The following CNTNAP2 variants were observed in gnomAD, a reference collection of about 807,000 sequenced individuals.
CNTNAP2 encodes contactin-associated protein-like 2.
In CNTNAP2, 98 loss-of-function variants were observed where a neutral mutation model predicts 155.2. The ratio of observed to expected loss-of-function variants is 0.63; its 90% CI spans 0.54 to 0.75. The LOEUF (loss-of-function observed/expected upper bound fraction) is 0.75, where lower values mean the gene tolerates loss of function less well. Among genes scored for constraint, CNTNAP2 ranks in the 30% least tolerant of loss-of-function variants. CNTNAP2 has a pLI of 0.00. For synonymous variants in CNTNAP2, 651 were observed against 631.2 expected (o/e 1.03, Z -0.47); for missense variants, 1,727 against 1,688.1 (o/e 1.02, Z -0.40).
At chr7:147,897,817 T>G (rs926740886) in intron 13 of CNTNAP2, among the ~76,000 whole-genome samples, 3 of 152,114 alleles carry the variant, frequency 2.0e-5, no homozygotes, top group Admixed American at 6.5e-5. Flanking sequence ...GGAGAAAAAT[T>G]TATTATTGGC....
chr7:146,502,597 A>G (rs1797321602), intron 1 of CNTNAP2, among the ~76,000 whole-genome samples: 2 of 151,836 alleles, frequency 1.3e-5, no homozygotes, highest in African/African-American at 4.8e-5. Context: ...GAGTGAGATG[A>G]TATTTCATTG....
chr7:147,563,339 G>T (rs1289912862), intron 12 of CNTNAP2, among the ~76,000 whole-genome samples: 1 of 152,042 alleles, frequency 6.6e-6, no homozygotes, highest in Non-Finnish European at 1.5e-5. Flanking sequence ...TAAATAACTT[G>T]CCCATATTAG....
intron 13 of CNTNAP2, among the ~76,000 whole-genome samples, chr7:147,821,118 A>G (rs192808417): frequency 4.6e-5 from 7 of 152,330 alleles, no homozygotes; most frequent in Non-Finnish European, 7.4e-5. Context: ...GTAGCAGTAT[A>G]TAGTTACTAG....
At chr7:146,514,454 G>A (rs187992616) in intron 1 of CNTNAP2, among the ~76,000 whole-genome samples, 76 of 151,996 alleles carry the variant, frequency 5.0e-4, no homozygotes, top group Non-Finnish European at 7.9e-4. Flanking sequence ...TTTTCAAGTA[G>A]CTTGTCTTTT....
chr7:148,053,716 CATTATGCTG>C (rs1802936110), intron 15 of CNTNAP2, among the ~76,000 whole-genome samples: 1 of 152,000 alleles, frequency 6.6e-6, no homozygotes, highest in African/African-American at 2.4e-5. Context: ...CTTTTTATAC[CATTATGCTG>C]GTAAATTATT....
rs576096972 is a variant in CNTNAP2 at position 147,349,343 on chromosome 7, C to A, written c.1499-46266C>A. On this transcript the variant is annotated intron_variant, in intron 9 of 23. Transcript: ENST00000361727. Reference sequence around the variant, plus strand: ...TATTAGCAGCTTAAATATGAAGGGACCTGAATTCTCAAAAAGCAAAAGTAG... The same window carrying A: ...TATTAGCAGCTTAAATATGAAGGGAACTGAATTCTCAAAAAGCAAAAGTAG... 5.9e-5 allele frequency among the ~76,000 whole-genome samples: 9 copies of A among 151,756 alleles called. No individual in the cohort carries two copies. In the South Asian group the frequency reaches 1.3e-3, roughly 21 times the overall value.
In CNTNAP2 at chr7:147,246,025, C is replaced by A. The variant is rs546360468; in HGVS notation, c.1349-54116C>A. Among the ~76,000 whole-genome samples, 5 of 117,616 alleles carry A rather than the reference C, an allele frequency of 4.3e-5. No homozygotes were observed. The East Asian group carries it at 2.7e-3, about 63-fold the overall frequency. The allele number at this position is 117,616 out of a possible 152,430, so 77.2% of individuals were successfully genotyped here. ...AAATCTTATATATAAATAAGACTCA[C>A]ACATACACATATAACGTGCATATAT... On this transcript the variant is annotated intron_variant, in intron 8 of 23. Transcript: ENST00000361727.
At chr7:147,147,069 T>G (rs1487984165) in intron 8 of CNTNAP2, among the ~76,000 whole-genome samples, 1 of 152,148 alleles carries the variant, frequency 6.6e-6, no homozygotes, top group African/African-American at 2.4e-5. Flanking sequence ...TCTACATGAC[T>G]GGGGAGGCCT....
intron 14 of CNTNAP2, among the ~76,000 whole-genome samples, chr7:147,966,554 T>G (rs1801213795): frequency 2.6e-5 from 4 of 152,258 alleles, no homozygotes; most frequent in Middle Eastern, 3.4e-3. Context: ...TAAGGTGGCA[T>G]GTACCCTCAC....
chr7:148,277,566 C>A (rs1796890953), intron 21 of CNTNAP2, among the ~76,000 whole-genome samples: 1 of 151,064 alleles, frequency 6.6e-6, no homozygotes, highest in Non-Finnish European at 1.5e-5. Flanking sequence ...TGAGGCTTGG[C>A]TGCCCCATGT....
intron 17 of CNTNAP2, among the ~76,000 whole-genome samples, chr7:148,147,999 T>C (rs747647566): frequency 6.6e-6 from 1 of 151,836 alleles, no homozygotes; most frequent in Non-Finnish European, 1.5e-5. Flanking sequence ...CAATTTTAGG[T>C]TTATGGTTTT....
chr7:146,516,029 C>G, intron 1 of CNTNAP2, among the ~76,000 whole-genome samples: 1 of 152,010 alleles, frequency 6.6e-6, no homozygotes, highest in Admixed American at 6.6e-5. Flanking sequence ...AGTAGATCAT[C>G]ATAATCTTAA....
intron 1 of CNTNAP2, among the ~76,000 whole-genome samples, chr7:146,119,044 G>T (rs1312809777): frequency 6.6e-6 from 1 of 151,914 alleles, no homozygotes; most frequent in Non-Finnish European, 1.5e-5. Context: ...TTACATTAAT[G>T]AACATTTTTA....
At chr7:146,656,425 A>C (rs1799996712) in intron 1 of CNTNAP2, among the ~76,000 whole-genome samples, 1 of 152,204 alleles carries the variant, frequency 6.6e-6, no homozygotes, top group Admixed American at 6.5e-5. Flanking sequence ...TATCTGTGAA[A>C]CCGCTCAGTG....
At chr7:146,272,403 G>T (rs1800096584) in intron 1 of CNTNAP2, among the ~76,000 whole-genome samples, 2 of 152,184 alleles carry the variant, frequency 1.3e-5, no homozygotes, top group African/African-American at 4.8e-5. Context: ...GAGACACAGA[G>T]CTAACCCATA....
intron 12 of CNTNAP2, among the ~76,000 whole-genome samples, chr7:147,629,145 T>C (rs1475982090): frequency 6.6e-6 from 1 of 152,016 alleles, no homozygotes; most frequent in Non-Finnish European, 1.5e-5. Flanking sequence ...TTCATGGCTG[T>C]AATCCCAGCA....
At chr7:146,151,187 G>T (rs1223314430) in intron 1 of CNTNAP2, among the ~76,000 whole-genome samples, 1 of 151,988 alleles carries the variant, frequency 6.6e-6, no homozygotes, top group Non-Finnish European at 1.5e-5. Flanking sequence ...TCAACATCCG[G>T]GGATTACAAT....
intron 22 of CNTNAP2, among the ~76,000 whole-genome samples, chr7:148,408,911 C>CA (rs1214956510): frequency 6.6e-6 from 1 of 152,108 alleles, no homozygotes; most frequent in African/African-American, 2.4e-5. Context: ...TAAAGTGTGC[C>CA]AGTGTCTTAT....
At chr7:146,141,628 C>A (rs190346138) in intron 1 of CNTNAP2, among the ~76,000 whole-genome samples, 1 of 152,174 alleles carries the variant, frequency 6.6e-6, no homozygotes, top group East Asian at 1.9e-4. Flanking sequence ...CAAGAAAACT[C>A]AACCTTATTT....
Sources: gnomAD v4.1 joint callset for allele counts (sites outside exome capture counted in the v4.1 genomes callset) on GRCh38, gnomAD v4.1.1 for gene constraint, MANE v1.5 for transcripts, NCBI Gene and HGNC (gene_info 2026-07-23, HGNC 2026-07-21) for gene names.